Variants in SNX29 observed in about 807,000 individuals in gnomAD.
The protein encoded by SNX29 is sorting nexin 29, also known as sorting nexin-29.
SNX29 carries 78 observed loss-of-function variants against 102.1 expected under a neutral mutation model. The observed-to-expected ratio is 0.76, with a 90% CI of 0.64 to 0.92. The LOEUF is 0.92. Among genes scored for constraint, SNX29 ranks in the 40% least tolerant of loss-of-function variants. The pLI is 0.00. For synonymous variants in SNX29, 580 were observed against 414.5 expected (o/e 1.40, Z -4.85); for missense variants, 1,280 against 1,061.7 (o/e 1.21, Z -2.86).
chr16:12,077,516 A>T (rs1172806237), intron 10 of SNX29, among the ~76,000 whole-genome samples: 2 of 152,046 alleles, frequency 1.3e-5, no homozygotes, highest in Admixed American at 6.6e-5. Context: ...GTAAACATAC[A>T]GTTGATTCTT....
chr16:12,246,083 G>C (rs954357418), intron 14 of SNX29, among the ~76,000 whole-genome samples: 2 of 152,148 alleles, frequency 1.3e-5, no homozygotes, highest in African/African-American at 4.8e-5. Context: ...TTCTATCTCT[G>C]TTATTACTTC....
intron 20 of SNX29, among the ~76,000 whole-genome samples, chr16:12,537,612 C>G (rs2077134392): frequency 6.6e-6 from 1 of 152,132 alleles, no homozygotes; most frequent in Non-Finnish European, 1.5e-5. Context: ...ACTTCAGTCC[C>G]AAAATGATTG....
chr16:12,397,578 C>G (rs1380979867), intron 16 of SNX29, among the ~76,000 whole-genome samples: 3 of 152,284 alleles, frequency 2.0e-5, no homozygotes, highest in Admixed American at 2.0e-4. Context: ...CACTTGGTTT[C>G]TCATAGTCTT....
Position 11,976,830 on chromosome 16 carries a change from C to T in SNX29, c.7+17C>T, listed in dbSNP as rs1350858702. ...CCATGAGCGGTGAGTGGCGGCCCCG[C>T]CGCTGTCACCTGCCCCGGCCGCCCC... On this transcript the variant is annotated intron_variant, in intron 1 of 20. Coordinates refer to ENST00000566228, the MANE Select transcript of SNX29 (RefSeq NM_032167.5). 5.1e-6 allele frequency: 7 copies of T among 1,372,342 alleles called. No homozygotes were observed. The South Asian group carries it at 9.9e-5, about 19-fold the overall frequency. The allele number at this position is 1,372,342 out of a possible 1,614,324, so 85.0% of individuals were successfully genotyped here. A position where few individuals can be genotyped will look rare whatever the true frequency, so the allele number is the denominator to read the frequency against.
rs375847819 is a variant in SNX29, at chr16:12,052,232, T to C, written c.1124+10T>C. ...CGGAGTCGCCCGAGAAGTAAGTTTG[T>C]GTGTAAGGTGGAGTCTCACCGTCCC... is the stretch of plus-strand genomic sequence containing the variant. On this transcript the variant is annotated intron_variant, in intron 8 of 20. Transcript: ENST00000566228. 1.2e-6 allele frequency: 2 copies of C among 1,613,504 alleles called. No homozygotes were observed. Among genetic ancestry groups the C allele is most frequent in the East Asian group, 2.2e-5 (1 of 44,878 alleles).
chr16:12,460,092 G>T (rs2086714517), intron 18 of SNX29, among the ~76,000 whole-genome samples: 1 of 152,166 alleles, frequency 6.6e-6, no homozygotes, highest in African/African-American at 2.4e-5. Flanking sequence ...GGCCATTCAG[G>T]ATCACATCAG....
intron 14 of SNX29, among the ~76,000 whole-genome samples, chr16:12,242,598 T>G (rs1262444687): frequency 6.6e-6 from 1 of 151,268 alleles, no homozygotes; most frequent in Non-Finnish European, 1.5e-5. Context: ...CTCTTCTTCT[T>G]CTCTTCTTCT....
chr16:12,315,127 CT>C (rs1437867245), intron 15 of SNX29, among the ~76,000 whole-genome samples: 1 of 152,180 alleles, frequency 6.6e-6, no homozygotes, highest in African/African-American at 2.4e-5. Flanking sequence ...TCACTGTCTC[CT>C]TTTGTCTCAG....
chr16:12,205,584 C>A (rs561553561), intron 14 of SNX29, among the ~76,000 whole-genome samples: 7 of 152,266 alleles, frequency 4.6e-5, no homozygotes, highest in African/African-American at 1.7e-4. Flanking sequence ...GCACGTGCTG[C>A]CCCTATGCAG....
intron 13 of SNX29, among the ~76,000 whole-genome samples, chr16:12,137,142 A>G (rs1450575023): frequency 6.6e-6 from 1 of 152,206 alleles, no homozygotes. Context: ...CAGCAAAAGC[A>G]TGTCTCTTGC....
At chr16:12,192,496 G>T (rs1396111561) in intron 13 of SNX29, among the ~76,000 whole-genome samples, 1 of 151,866 alleles carries the variant, frequency 6.6e-6, no homozygotes, top group Non-Finnish European at 1.5e-5. Flanking sequence ...GCATTCCCTT[G>T]CTTGACACCT....
intron 15 of SNX29, among the ~76,000 whole-genome samples, chr16:12,286,474 TAGCTGGGACTACAGGCCCC>T (rs1362004134): frequency 1.3e-5 from 2 of 151,614 alleles, no homozygotes; most frequent in African/African-American, 4.9e-5. Flanking sequence ...GCCTCCCAAG[TAGCTGGGACTACAGGCCCC>T]ACCACCATGT....
At chr16:12,356,735 T>G (rs1487272711) in intron 16 of SNX29, among the ~76,000 whole-genome samples, 1 of 152,264 alleles carries the variant, frequency 6.6e-6, no homozygotes, top group Non-Finnish European at 1.5e-5. Flanking sequence ...ACAGGGCTTT[T>G]CAACCACAGC....
At chr16:12,421,002 T>A (rs2084851711) in intron 18 of SNX29, among the ~76,000 whole-genome samples, 1 of 152,240 alleles carries the variant, frequency 6.6e-6, no homozygotes, top group African/African-American at 2.4e-5. Flanking sequence ...GGGGTACTTT[T>A]TCTGCGATAC....
intron 15 of SNX29, among the ~76,000 whole-genome samples, chr16:12,290,260 T>C (rs1185113695): frequency 1.3e-5 from 2 of 152,214 alleles, no homozygotes; most frequent in Non-Finnish European, 2.9e-5. Context: ...GAGCATGTTT[T>C]CCTTTCTCAA....
At chr16:12,003,074 A>G (rs2056344853) in intron 3 of SNX29, 31 bp downstream of exon 3, 5 of 1,613,214 alleles carry the variant, frequency 3.1e-6, no homozygotes, top group Admixed American at 1.7e-5. Flanking sequence ...ACCGTTGACC[A>G]TCGAGGTTGG....
intron 13 of SNX29, among the ~76,000 whole-genome samples, chr16:12,176,858 C>T (rs946526875): frequency 1.3e-5 from 2 of 152,154 alleles, no homozygotes; most frequent in South Asian, 2.1e-4. Flanking sequence ...CCTGGGGATA[C>T]ACATTTTACT....
chr16:12,409,881 A>G (rs1057430421), intron 18 of SNX29, among the ~76,000 whole-genome samples: 7 of 152,238 alleles, frequency 4.6e-5, no homozygotes, highest in African/African-American at 1.4e-4. Context: ...CTTTGCGTCT[A>G]GCGACCACAA....
chr16:12,153,487 CAAAA>C (rs1420350514), intron 13 of SNX29, among the ~76,000 whole-genome samples: 2 of 150,248 alleles, frequency 1.3e-5, no homozygotes, highest in East Asian at 2.0e-4. Flanking sequence ...AAACAAAAAA[CAAAA>C]AACCAAACCT....
Sources: gnomAD v4.1 joint callset for allele counts (sites outside exome capture counted in the v4.1 genomes callset) on GRCh38, gnomAD v4.1.1 for gene constraint, MANE v1.5 for transcripts, NCBI Gene and HGNC (gene_info 2026-07-23, HGNC 2026-07-21) for gene names.